The following UGT1A10 variants were observed in gnomAD, a reference collection of about 807,000 sequenced individuals.
The protein encoded by UGT1A10 is UDP-glucuronosyltransferase 1A10.
Under a neutral mutation model 45.8 loss-of-function variants are expected in UGT1A10, and 49 were observed. The observed-to-expected ratio is 1.07, with a 90% CI of 0.85 to 1.36. The LOEUF is 1.36. UGT1A10 is among the 40% of genes most tolerant of loss of function. UGT1A10 has a pLI of 0.00. For missense variants in UGT1A10, 745 were observed against 668.6 expected, an observed-to-expected ratio of 1.11 and a Z score of -1.26; for synonymous variants, 284 against 249.7, an observed-to-expected ratio of 1.14 and a Z score of -1.29.
intron 1 of UGT1A10, among the ~76,000 whole-genome samples, chr2:233,761,318 C>T (rs1697742330): frequency 6.6e-6 from 1 of 152,218 alleles, no homozygotes; most frequent in South Asian, 2.1e-4. Context: ...TTGGCATCAT[C>T]TTCTGGATGA....
intron 1 of UGT1A10, among the ~76,000 whole-genome samples, chr2:233,676,752 G>A (rs888309625): frequency 2.0e-5 from 3 of 152,104 alleles, no homozygotes; most frequent in Non-Finnish European, 2.9e-5. Context: ...GGTAAAACTG[G>A]GTTTATAGAC....
At chr2:233,765,252 C>T (rs1390588094) in intron 1 of UGT1A10, among the ~76,000 whole-genome samples, 1 of 152,180 alleles carries the variant, frequency 6.6e-6, no homozygotes, top group Non-Finnish European at 1.5e-5. Flanking sequence ...AATCCCATTA[C>T]TGGGTATATA....
At chr2:233,757,679 A>C (rs1462473576) in intron 1 of UGT1A10, among the ~76,000 whole-genome samples, 1 of 151,534 alleles carries the variant, frequency 6.6e-6, no homozygotes, top group African/African-American at 2.4e-5. Context: ...CAAGGAATTC[A>C]AGGGATTCAA....
intron 1 of UGT1A10, among the ~76,000 whole-genome samples, chr2:233,736,610 A>G (rs2078784118): frequency 6.6e-6 from 1 of 152,034 alleles, no homozygotes; most frequent in Non-Finnish European, 1.5e-5. Context: ...TGGTTTTTAG[A>G]ATTTTCAGCT....
intron 1 of UGT1A10, among the ~76,000 whole-genome samples, chr2:233,656,374 C>T (rs2073853293): frequency 6.6e-6 from 1 of 152,312 alleles, no homozygotes; most frequent in Non-Finnish European, 1.5e-5. Context: ...TGAAATCAGC[C>T]TCTTGTCCAA....
intron 1 of UGT1A10, chr2:233,760,357 G>T: frequency 6.2e-7 from 1 of 1,614,100 alleles, no homozygotes; most frequent in South Asian, 1.1e-5. Flanking sequence ...GGGCCCAGTG[G>T]TGTCCCATGC....
intron 1 of UGT1A10, chr2:233,693,966 T>C: frequency 6.3e-7 from 1 of 1,574,826 alleles, no homozygotes. Context: ...GAGGATTTCC[T>C]GGAGAAACGG....
At chr2:233,637,476 A>T in intron 1 of UGT1A10, 99 bp downstream of exon 1, 1 of 1,498,470 alleles carries the variant, frequency 6.7e-7, no homozygotes. Flanking sequence ...CGTTTGTTGC[A>T]TTTCAAATTT....
rs1177924904 is a variant in UGT1A10 at position 233,693,377 on chromosome 2, A to G, written c.855+56000A>G. The G allele has an allele frequency of 3.7e-6, 6 of 1,614,142 alleles. No individual in the cohort carries two copies. Among genetic ancestry groups the G allele is most frequent in the Non-Finnish European group, 2.5e-6 (3 of 1,180,026 alleles). On this transcript the variant is annotated intron_variant, in intron 1 of 4. Transcript: ENST00000344644. ...GATTGTTATTGGCCTGTACTTCATCAACTGCCAGAGCCTCCTGCAGGACAG... is the reference window on the plus strand; with the variant it reads ...GATTGTTATTGGCCTGTACTTCATCGACTGCCAGAGCCTCCTGCAGGACAG...
At chr2:233,658,641 C>T (rs999889906) in intron 1 of UGT1A10, among the ~76,000 whole-genome samples, 6 of 152,280 alleles carry the variant, frequency 3.9e-5, no homozygotes, top group African/African-American at 1.4e-4. Flanking sequence ...CATGGTTAGA[C>T]TGGGGTTATA....
Position 233,769,407 on chromosome 2 carries a change from G to C in UGT1A10, c.1295+968G>C. The C allele has an allele frequency of 7.8e-7, 1 of 1,286,632 alleles. No individual in the cohort carries two copies. The highest frequency in any genetic ancestry group is 1.1e-6 in the Non-Finnish European group (1 of 907,224). The allele number at this position is 1,286,632 out of a possible 1,614,324, so 79.7% of individuals were successfully genotyped here. ...ATAGATACTGTGTGCATATGTGCGT[G>C]TGCGTTTGTGCATGTGGCTGTGCTC... On this transcript the variant is annotated intron_variant, in intron 4 of 4. Transcript: ENST00000344644. The surrounding 1 kb of genome is among the most constrained non-coding windows in gnomAD (Gnocchi z 4.4).
At chr2:233,658,983 G>A (rs1031877194) in intron 1 of UGT1A10, among the ~76,000 whole-genome samples, 1 of 152,120 alleles carries the variant, frequency 6.6e-6, no homozygotes, top group Non-Finnish European at 1.5e-5. Flanking sequence ...ACAAAAAAAA[G>A]CCTGTTGGGA....
chr2:233,636,644 T>C lies in UGT1A10; in HGVS notation c.122T>C (p.Met41Thr). 1 of 1,614,142 alleles carries C rather than the reference T, an allele frequency of 6.2e-7. No individual in the cohort carries two copies. ...VPMDGSHWFT[M>T]QSVVEKLILR... ...ATGGATGGGAGTCACTGGTTCACCA[T>C]GCAGTCGGTGGTGGAGAAACTTATC... is the stretch of plus-strand genomic sequence containing the variant. The change falls in exon 1 of 5, where the codon ATG (methionine) becomes ACG (threonine). Residue 41 changes from methionine (M) to threonine (T), a missense_variant. Met to Thr is a moderately conservative substitution (Grantham distance 81, BLOSUM62 -1). Transcript: ENST00000344644.
At chr2:233,641,020 C>A (rs2073437968) in intron 1 of UGT1A10, among the ~76,000 whole-genome samples, 1 of 152,156 alleles carries the variant, frequency 6.6e-6, no homozygotes, top group African/African-American at 2.4e-5. Flanking sequence ...GATCACCAGA[C>A]CCTCAGCTGA....
chr2:233,671,851 C>T (rs2074201065), intron 1 of UGT1A10: 7 of 1,497,084 alleles, frequency 4.7e-6, no homozygotes, highest in South Asian at 1.4e-5. Context: ...CTATTGGGGT[C>T]AGGTTTTGTG....
At chr2:233,664,118 C>G (rs1279265560) in intron 1 of UGT1A10, among the ~76,000 whole-genome samples, 4 of 152,152 alleles carry the variant, frequency 2.6e-5, no homozygotes, top group African/African-American at 7.2e-5. Flanking sequence ...TAAGGCATAG[C>G]AAGGGTGACC....
chr2:233,711,855 C>A (rs922425010), intron 1 of UGT1A10, among the ~76,000 whole-genome samples: 2 of 152,178 alleles, frequency 1.3e-5, no homozygotes, highest in Non-Finnish European at 2.9e-5. Flanking sequence ...TTGCCAAGCA[C>A]AAGTATGAGT....
intron 1 of UGT1A10, among the ~76,000 whole-genome samples, chr2:233,637,610 A>C (rs754373694): frequency 6.6e-6 from 1 of 152,222 alleles, no homozygotes; most frequent in Non-Finnish European, 1.5e-5. Flanking sequence ...TTCAGGCTAC[A>C]TTTTAAAATA....
intron 1 of UGT1A10, among the ~76,000 whole-genome samples, chr2:233,707,608 G>A (rs2075975887): frequency 2.0e-5 from 3 of 148,460 alleles, no homozygotes; most frequent in Admixed American, 2.0e-4. Flanking sequence ...GTTGTAGTTT[G>A]TGGATTGTCA....
Sources: gnomAD v4.1 joint callset for allele counts (sites outside exome capture counted in the v4.1 genomes callset) on GRCh38, gnomAD v4.1.1 for gene constraint, Gnocchi (gnomAD v3.1) non-coding constraint, MANE v1.5 for transcripts, NCBI Gene and HGNC (gene_info 2026-07-23, HGNC 2026-07-21) for gene names.